Variants in DPY19L3 observed in about 807,000 individuals in gnomAD.
DPY19L3 encodes protein C-mannosyl-transferase DPY19L3.
A neutral mutation model predicts 92.3 loss-of-function variants in DPY19L3; 51 were observed. The ratio of observed to expected loss-of-function variants is 0.55; its 90% CI spans 0.44 to 0.70. The LOEUF (loss-of-function observed/expected upper bound fraction) is 0.70, where lower values mean the gene tolerates loss of function less well. Ranked by LOEUF, DPY19L3 falls within the 30% of genes least tolerant of loss-of-function variation. The probability of loss-of-function intolerance (pLI) is 0.00; values close to 1 mark genes in which losing one functional copy is unlikely to be tolerated. For synonymous variants in DPY19L3, 309 were observed against 315.2 expected (o/e 0.98, Z 0.21); for missense variants, 706 against 855.9 (o/e 0.82, Z 2.18).
chr19:32,449,194 G>A (rs1244150617), intron 8 of DPY19L3, among the ~76,000 whole-genome samples: 1 of 152,136 alleles, frequency 6.6e-6, no homozygotes, highest in Non-Finnish European at 1.5e-5. Flanking sequence ...ATCAAAAAGG[G>A]TCAAATGCAT....
At chr19:32,419,985 G>A (rs192309360) in intron 3 of DPY19L3, among the ~76,000 whole-genome samples, 3 of 148,478 alleles carry the variant, frequency 2.0e-5, no homozygotes, top group East Asian at 2.0e-4. Flanking sequence ...TCAGCCTCCC[G>A]AGTAACTGGG....
intron 3 of DPY19L3, among the ~76,000 whole-genome samples, chr19:32,424,642 A>G (rs1447041832): frequency 6.6e-6 from 1 of 152,166 alleles, no homozygotes; most frequent in Non-Finnish European, 1.5e-5. Context: ...AAACAAAAAA[A>G]GGTCTCTGTA....
intron 8 of DPY19L3, 107 bp from the exon 9 acceptor site, chr19:32,453,038 T>C: frequency 7.7e-7 from 1 of 1,298,652 alleles, no homozygotes; most frequent in Non-Finnish European, 1.1e-6. Flanking sequence ...ACATGTGTTT[T>C]CTGCATTATT....
At chr19:32,468,119 T>C (rs1970251275) in intron 15 of DPY19L3, 21 of 977,162 alleles carry the variant, frequency 2.1e-5, no homozygotes, top group Non-Finnish European at 2.6e-5. Flanking sequence ...AGGGTCCAGG[T>C]TGTAGCTCTG....
chr19:32,434,427 C>T (rs1034216408), intron 4 of DPY19L3, among the ~76,000 whole-genome samples: 2 of 152,106 alleles, frequency 1.3e-5, no homozygotes, highest in Non-Finnish European at 2.9e-5. Flanking sequence ...GAGGCCGAGG[C>T]GGATGGATCA....
chr19:32,465,741 CA>C (rs920308357), intron 15 of DPY19L3, among the ~76,000 whole-genome samples: 4 of 151,844 alleles, frequency 2.6e-5, no homozygotes, highest in East Asian at 1.9e-4. Context: ...GTAAATATTT[CA>C]AAAAAATGTG....
At chr19:32,430,217 T>C (rs1266545631) in intron 3 of DPY19L3, among the ~76,000 whole-genome samples, 1 of 152,046 alleles carries the variant, frequency 6.6e-6, no homozygotes, top group Non-Finnish European at 1.5e-5. Context: ...GGCAAAACCC[T>C]ACCTCTACAA....
At chr19:32,479,764 C>T (rs940791812) in intron 17 of DPY19L3, among the ~76,000 whole-genome samples, 8 of 152,212 alleles carry the variant, frequency 5.3e-5, no homozygotes, top group South Asian at 2.1e-4. Context: ...CTGGTATGAA[C>T]GTGAAGGGGG....
chr19:32,441,457 A>C (rs1258944381), intron 8 of DPY19L3, among the ~76,000 whole-genome samples: 1 of 151,156 alleles, frequency 6.6e-6, no homozygotes, highest in Non-Finnish European at 1.5e-5. Context: ...TTTGTTCTTT[A>C]GATCTTTTGA....
intron 3 of DPY19L3, among the ~76,000 whole-genome samples, chr19:32,429,310 A>C (rs114254644): frequency 1.1e-4 from 17 of 152,214 alleles, no homozygotes; most frequent in African/African-American, 3.9e-4. Context: ...GATAACTACT[A>C]TTGGTGTATA....
rs569395557 is a variant in DPY19L3, at chr19:32,483,537, T to C, written c.*1297T>C. ...TGGAAATGATTTAAGCATTTCTCCT[T>C]GCAGTTGTATTGAAGTAAATTACCA... is the stretch of plus-strand genomic sequence containing the variant. On this transcript the variant is annotated 3_prime_UTR_variant, in exon 19 of 19. Coordinates refer to ENST00000392250, the MANE Select transcript of DPY19L3 (RefSeq NM_001172774.2). 2.0e-5 allele frequency: 3 copies of C among 152,656 alleles called. No homozygotes were observed. Among genetic ancestry groups the C allele is most frequent in the Non-Finnish European group, 4.4e-5 (3 of 68,032 alleles). 9.5% of individuals were successfully genotyped at this position (152,656 alleles called of 1,614,324 possible). A position where few individuals can be genotyped will look rare whatever the true frequency, so the allele number is the denominator to read the frequency against.
chr19:32,424,320 T>TAA (rs11415675), intron 3 of DPY19L3, among the ~76,000 whole-genome samples: 24,406 of 141,802 alleles, frequency 0.17, 2,764 homozygotes, highest in East Asian at 0.45. Flanking sequence ...ACCCTGTCTC[T>TAA]AAAAAAAAAA....
chr19:32,419,771 A>G (rs1179457937), intron 3 of DPY19L3, among the ~76,000 whole-genome samples: 1 of 152,094 alleles, frequency 6.6e-6, no homozygotes. Context: ...TCAGAGCCCA[A>G]ACACTAACTC....
chr19:32,431,913 G>A (rs1049216433), intron 3 of DPY19L3, among the ~76,000 whole-genome samples: 2 of 152,004 alleles, frequency 1.3e-5, no homozygotes, highest in African/African-American at 2.4e-5. Flanking sequence ...CCATCAATAC[G>A]GTGAAAAAAA....
chr19:32,410,362 A>G (rs1444681739), intron 2 of DPY19L3, among the ~76,000 whole-genome samples: 1 of 152,132 alleles, frequency 6.6e-6, no homozygotes, highest in African/African-American at 2.4e-5. Context: ...AAGCTTTCTT[A>G]TATGTGCTAT....
At chr19:32,447,816 T>TAGATAGA (rs1555721982) in intron 8 of DPY19L3, among the ~76,000 whole-genome samples, 3 of 89,834 alleles carry the variant, frequency 3.3e-5, no homozygotes, top group Non-Finnish European at 6.9e-5. Context: ...GATAGATAGA[T>TAGATAGA]TAGATAGATA....
intron 3 of DPY19L3, among the ~76,000 whole-genome samples, chr19:32,419,163 C>CT (rs1277893362): frequency 0.011 from 1,447 of 136,462 alleles, 21 homozygotes; most frequent in African/African-American, 0.025. Context: ...TTATTTGTAC[C>CT]TTTTTTTTTT....
chr19:32,461,360 T>G (rs1970035395), intron 12 of DPY19L3, among the ~76,000 whole-genome samples: 2 of 152,242 alleles, frequency 1.3e-5, no homozygotes, highest in South Asian at 4.1e-4. Context: ...CATGGTGTTC[T>G]GTGTTCATGG....
At chr19:32,473,048 A>G (rs4805762) in intron 16 of DPY19L3, among the ~76,000 whole-genome samples, 28,909 of 152,222 alleles carry the variant, frequency 0.19, 2,888 homozygotes, top group African/African-American at 0.25. Context: ...GCAAATGTTC[A>G]CACATTATAT....
Sources: gnomAD v4.1 joint callset for allele counts (sites outside exome capture counted in the v4.1 genomes callset) on GRCh38, gnomAD v4.1.1 for gene constraint, MANE v1.5 for transcripts, NCBI Gene and HGNC (gene_info 2026-07-23, HGNC 2026-07-21) for gene names.